The following ARPP21 variants were observed in gnomAD, a reference collection of about 807,000 sequenced individuals.
The protein encoded by ARPP21 is cAMP regulated phosphoprotein 21, also known as cAMP-regulated phosphoprotein 21.
A neutral mutation model predicts 113.2 loss-of-function variants in ARPP21; 69 were observed. That is an observed-to-expected ratio of 0.61 (90% CI 0.50 to 0.74). The LOEUF (loss-of-function observed/expected upper bound fraction) is 0.74, where lower values mean the gene tolerates loss of function less well. ARPP21 is among the 30% of genes least tolerant of loss of function. The pLI is 0.00. For synonymous variants in ARPP21, 368 were observed against 375.5 expected (o/e 0.98, Z 0.23); for missense variants, 1,070 against 1,037.4 (o/e 1.03, Z -0.43).
intron 19 of ARPP21, among the ~76,000 whole-genome samples, chr3:35,771,852 A>G (rs905990029): frequency 1.3e-5 from 2 of 152,184 alleles, no homozygotes; most frequent in African/African-American, 4.8e-5. Context: ...ATATAAATTA[A>G]AGCATTTTCA....
chr3:35,666,629 AC>A (rs146173393), intron 1 of ARPP21, among the ~76,000 whole-genome samples: 5,844 of 152,028 alleles, frequency 0.038, 154 homozygotes, highest in Non-Finnish European at 0.066. Flanking sequence ...CTTTTATTGC[AC>A]ATTTTATTAA....
intron 1 of ARPP21, among the ~76,000 whole-genome samples, chr3:35,675,113 A>G (rs1027216188): frequency 6.6e-6 from 1 of 151,548 alleles, no homozygotes; most frequent in Admixed American, 6.6e-5. Context: ...AACTAATTTC[A>G]AGCTCCTTTG....
intron 1 of ARPP21, among the ~76,000 whole-genome samples, chr3:35,660,288 G>A (rs1380039419): frequency 6.6e-6 from 1 of 152,110 alleles, no homozygotes; most frequent in Non-Finnish European, 1.5e-5. Context: ...AACACAAGAT[G>A]GTATCTATAA....
chr3:35,650,848 C>T (rs1702101303), intron 1 of ARPP21, among the ~76,000 whole-genome samples: 1 of 152,156 alleles, frequency 6.6e-6, no homozygotes, highest in African/African-American at 2.4e-5. Context: ...GTTGAAATTA[C>T]ATTGGGATTG....
At chr3:35,769,781 C>G (rs1335644168) in intron 19 of ARPP21, among the ~76,000 whole-genome samples, 1 of 152,140 alleles carries the variant, frequency 6.6e-6, no homozygotes, top group African/African-American at 2.4e-5. Context: ...GAAAAGAACA[C>G]ATTCCCGTAA....
intron 19 of ARPP21, among the ~76,000 whole-genome samples, chr3:35,781,981 T>A (rs2096536139): frequency 6.6e-6 from 1 of 152,178 alleles, no homozygotes; most frequent in Non-Finnish European, 1.5e-5. Context: ...TGAGCTGTAA[T>A]GAAATGTAAA....
chr3:35,738,089 G>T (rs1576462717), intron 16 of ARPP21, 125 bp from the exon 17 acceptor site: 1 of 599,294 alleles, frequency 1.7e-6, no homozygotes, highest in Non-Finnish European at 2.9e-6. Flanking sequence ...CTTTCCTTTG[G>T]TGGCTAGTTC....
intron 15 of ARPP21, among the ~76,000 whole-genome samples, chr3:35,732,381 A>T (rs2094045085): frequency 6.6e-6 from 1 of 152,200 alleles, no homozygotes; most frequent in African/African-American, 2.4e-5. Context: ...CTCAGCTTTC[A>T]ACAGGTCCAT....
At chr3:35,650,743 T>A (rs961112324) in intron 1 of ARPP21, among the ~76,000 whole-genome samples, 1 of 151,926 alleles carries the variant, frequency 6.6e-6, no homozygotes, top group Non-Finnish European at 1.5e-5. Context: ...CCAAGACAAA[T>A]GTATATGAAA....
chr3:35,792,527 T>C lies in ARPP21; in HGVS notation c.2283T>C (p.Tyr761=). ...TTTCCTACCCAACAATGTCTTCTTA[T>C]CAGGTGCTCATAAGCAGCTTGGAAA... ...VMVSYPTMSS[Y]QVPMTQGSQG... is the part of the protein sequence containing the mutation. Residue 761 remains tyrosine, a synonymous_variant, in exon 20 of 21, where the codon TAT becomes TAC. Coordinates refer to ENST00000684406, the MANE Select transcript of ARPP21 (RefSeq NM_001385562.1). 6.2e-7 allele frequency: 1 copy of C among 1,614,034 alleles called. No homozygotes were observed. The highest frequency in any genetic ancestry group is 1.1e-5 in the South Asian group (1 of 91,084).
At chr3:35,652,913 T>A (rs1317078267) in intron 1 of ARPP21, among the ~76,000 whole-genome samples, 1 of 152,032 alleles carries the variant, frequency 6.6e-6, no homozygotes, top group Non-Finnish European at 1.5e-5. Flanking sequence ...ATTACCTTGT[T>A]TCTCCAGGCA....
At chr3:35,768,078 CCGTGTGTG>C (rs2096051791) in intron 19 of ARPP21, among the ~76,000 whole-genome samples, 1 of 121,376 alleles carries the variant, frequency 8.2e-6, no homozygotes, top group South Asian at 2.9e-4. Context: ...CCATGCTTTT[CCGTGTGTG>C]TGTGTGTGTG....
chr3:35,720,981 T>C (rs2093006915), intron 13 of ARPP21, among the ~76,000 whole-genome samples: 1 of 152,232 alleles, frequency 6.6e-6, no homozygotes, highest in Non-Finnish European at 1.5e-5. Context: ...AAAGGGTTCT[T>C]TCCTCTGACC....
At chr3:35,741,968 G>A (rs992443154) in intron 18 of ARPP21, among the ~76,000 whole-genome samples, 1 of 152,120 alleles carries the variant, frequency 6.6e-6, no homozygotes, top group Non-Finnish European at 1.5e-5. Flanking sequence ...CTCTAGCACA[G>A]CTTGTGAAGG....
intron 11 of ARPP21, among the ~76,000 whole-genome samples, chr3:35,711,687 T>A (rs747461733): frequency 6.6e-6 from 1 of 152,186 alleles, no homozygotes; most frequent in Non-Finnish European, 1.5e-5. Flanking sequence ...CAAGTGGTTA[T>A]CTGCTTTCAA....
chr3:35,706,967 C>G lies in ARPP21; in HGVS notation c.687-7C>G, dbSNP rs2089355071. On this transcript the variant is annotated splice_region_variant and splice_polypyrimidine_tract_variant and intron_variant, in intron 9 of 20. Coordinates refer to ENST00000684406, the MANE Select transcript of ARPP21 (RefSeq NM_001385562.1). Reference sequence around the variant, plus strand: ...TTTTTTATTGATATGTTTTACTTTGCTGGCAGACCAGAGCAAAGGTTTTGT... The same window carrying G: ...TTTTTTATTGATATGTTTTACTTTGGTGGCAGACCAGAGCAAAGGTTTTGT... The G allele has an allele frequency of 6.2e-7, 1 of 1,605,906 alleles. No homozygotes were observed. Among genetic ancestry groups the G allele is most frequent in the Non-Finnish European group, 8.5e-7 (1 of 1,176,512 alleles).
chr3:35,743,857 C>T lies in ARPP21; in HGVS notation c.2029C>T (p.Pro677Ser). The T allele has an allele frequency of 1.2e-6, 2 of 1,613,852 alleles. No homozygotes were observed. The highest frequency in any genetic ancestry group is 1.7e-6 in the Non-Finnish European group (2 of 1,179,724). ...TCCACAGATGCCTGTATATTATTAC[C>T]CATCTGGTCAGTACCCTACCTCAAC... The part of the protein sequence containing the change: ...PPAQMPVYYY[P>S]SGQYPTSTTQ... Residue 677 changes from proline to serine, a missense_variant, in exon 19 of 21, where the codon CCA becomes TCA. Physicochemically the swap from Pro to Ser is moderately conservative, Grantham distance 74. Coordinates refer to ENST00000684406, the MANE Select transcript of ARPP21 (RefSeq NM_001385562.1).
At chr3:35,702,292 A>C (rs929170629) in intron 9 of ARPP21, among the ~76,000 whole-genome samples, 1 of 151,770 alleles carries the variant, frequency 6.6e-6, no homozygotes, top group Non-Finnish European at 1.5e-5. Flanking sequence ...TACATACCTT[A>C]AATTACTTAC....
In ARPP21 at chr3:35,639,846, TCGGA is replaced by T. The variant is rs2148817698; in HGVS notation, c.-755_-752del. ...TGCATTGCTGGTGGGACGGAGGGAT[TCGGA>T]CGGACGGACAGACCAGCGCACAGAC... On this transcript the variant is annotated 5_prime_UTR_variant, in exon 1 of 21. Transcript: ENST00000684406. This position sits in a 1 kb window ranked among gnomAD's most constrained non-coding sequence, Gnocchi z 5.0. 6.6e-6 allele frequency: 1 copy of T among 152,502 alleles called. No individual in the cohort carries two copies. Among genetic ancestry groups the T allele is most frequent in the Non-Finnish European group, 1.5e-5 (1 of 68,310 alleles). The allele number at this position is 152,502 out of a possible 1,614,324, so 9.4% of individuals were successfully genotyped here. A position where few individuals can be genotyped will look rare whatever the true frequency, so the allele number is the denominator to read the frequency against.
Sources: allele counts gnomAD v4.1 joint callset (sites outside exome capture counted in the v4.1 genomes callset), GRCh38; gene constraint gnomAD v4.1.1; non-coding constraint Gnocchi (gnomAD v3.1); transcripts MANE v1.5; gene names NCBI Gene and HGNC (gene_info 2026-07-23, HGNC 2026-07-21).